The following LRBA variants were observed in gnomAD, a reference collection of about 807,000 sequenced individuals.
LRBA encodes LPS responsive beige-like anchor protein.
A neutral mutation model predicts 330.0 loss-of-function variants in LRBA; 176 were observed. That is an observed-to-expected ratio of 0.53 (90% CI 0.47 to 0.60). The LOEUF (loss-of-function observed/expected upper bound fraction) is 0.60. Ranked by LOEUF, LRBA falls within the 20% of genes least tolerant of loss-of-function variation. LRBA has a pLI of 0.00. For missense variants in LRBA, 3,259 were observed against 3,444.8 expected (o/e 0.95, Z 1.35); for synonymous variants, 1,230 against 1,193.0 (o/e 1.03, Z -0.64).
At position 150,590,807 on chromosome 4, in the gene LRBA, A is replaced by G; in HGVS notation, c.6099T>C (p.Ala2033=). The G allele has an allele frequency of 6.2e-7, 1 of 1,613,832 alleles. No homozygotes were observed. The highest frequency in any genetic ancestry group is 8.5e-7 in the Non-Finnish European group (1 of 1,179,732). The change falls in exon 39 of 57, where the codon GCT becomes GCC. Residue 2033 remains alanine, a synonymous_variant. Transcript: ENST00000651943. ...CGTTTTCTGAGTTCTGATTTCCTAA[A>G]GCCTGACTCCTGATGGACTGTTTTC... ...AKGKQSIRSQ[A]LGNQNSENEI...
intron 37 of LRBA, among the ~76,000 whole-genome samples, chr4:150,669,032 T>C (rs969237886): frequency 1.3e-5 from 2 of 152,186 alleles, no homozygotes; most frequent in African/African-American, 4.8e-5. Flanking sequence ...CCAGTCATTG[T>C]GATGATTCTC....
chr4:150,592,195 C>A (rs1005216921), intron 38 of LRBA, among the ~76,000 whole-genome samples: 1 of 115,706 alleles, frequency 8.6e-6, no homozygotes, highest in Non-Finnish European at 1.6e-5. Context: ...TCTGCCTAGG[C>A]ATAAGGCCCA....
At chr4:150,522,929 A>G (rs1485777707) in intron 40 of LRBA, among the ~76,000 whole-genome samples, 1 of 152,168 alleles carries the variant, frequency 6.6e-6, no homozygotes, top group African/African-American at 2.4e-5. Flanking sequence ...GGTTGGGACC[A>G]CCAAAGACAG....
At chr4:150,580,954 C>T (rs1440096388) in intron 40 of LRBA, 1 of 152,436 alleles carries the variant, frequency 6.6e-6, no homozygotes, top group African/African-American at 2.4e-5. Context: ...ACAAATGAAA[C>T]TCTGTACCTG....
intron 36 of LRBA, among the ~76,000 whole-genome samples, chr4:150,715,774 T>C (rs149957123): frequency 2.6e-5 from 4 of 152,310 alleles, no homozygotes; most frequent in African/African-American, 9.6e-5. Context: ...CAATTACTAA[T>C]AGAACCCAAA....
At chr4:150,849,298 A>G in intron 25 of LRBA, 124 bp downstream of exon 25, 1 of 809,624 alleles carries the variant, frequency 1.2e-6, no homozygotes, top group Non-Finnish European at 2.0e-6. Context: ...CAAGTAAAAG[A>G]TCCTATTGTT....
In LRBA at chr4:150,321,089, C is replaced by T. The variant is rs1581004945; in HGVS notation, c.7630+102G>A. 7.1e-6 allele frequency: 8 copies of T among 1,121,278 alleles called. No homozygotes were observed. Among genetic ancestry groups the T allele is most frequent in the East Asian group, 5.5e-5 (2 of 36,608 alleles). 69.5% of individuals were successfully genotyped at this position (1,121,278 alleles called of 1,614,324 possible). ...TTAAACAATTTGATTCAGACTAATG[C>T]TTGAAAATTAAAAGCTTAAATGTTG... On this transcript the variant is annotated intron_variant, in intron 50 of 56. Transcript: ENST00000651943. This position sits in a 1 kb window ranked among gnomAD's most constrained non-coding sequence, Gnocchi z 4.5.
At chr4:150,770,713 A>T (rs555538605) in intron 34 of LRBA, among the ~76,000 whole-genome samples, 2 of 151,988 alleles carry the variant, frequency 1.3e-5, no homozygotes, top group Non-Finnish European at 2.9e-5. Context: ...ACCTTTTTTC[A>T]CTGCCTATTC....
At chr4:151,001,684 T>C (rs1743354533) in intron 2 of LRBA, among the ~76,000 whole-genome samples, 1 of 152,020 alleles carries the variant, frequency 6.6e-6, no homozygotes. Context: ...ATCTCTGCCT[T>C]TACCCATACT....
At chr4:150,944,589 C>G (rs1044826875) in intron 2 of LRBA, among the ~76,000 whole-genome samples, 1 of 151,982 alleles carries the variant, frequency 6.6e-6, no homozygotes, top group East Asian at 1.9e-4. Context: ...AAAAATAGTT[C>G]ATATGGCAAG....
At chr4:150,734,226 T>C (rs1462692841) in intron 36 of LRBA, among the ~76,000 whole-genome samples, 1 of 152,126 alleles carries the variant, frequency 6.6e-6, no homozygotes, top group African/African-American at 2.4e-5. Context: ...GTGTTTTTTC[T>C]ATTTTTAATT....
chr4:151,007,833 G>A (rs1448603091), intron 2 of LRBA, among the ~76,000 whole-genome samples: 10 of 145,860 alleles, frequency 6.9e-5, no homozygotes, highest in Admixed American at 2.8e-4. Context: ...CTCCAGCTTG[G>A]GCCACAGAGC....
In LRBA at chr4:150,310,205, A is replaced by G. The variant is rs368320724; in HGVS notation, c.7849+24T>C. ...TACTACTTATAGTAAACTTTAGTTC[A>G]CTGATAAAGAAAATGAAAATTACCT... On this transcript the variant is annotated intron_variant, in intron 52 of 56. Coordinates refer to ENST00000651943, the MANE Select transcript of LRBA (RefSeq NM_001364905.1). The G allele has an allele frequency of 1.6e-5, 25 of 1,539,648 alleles. No individual in the cohort carries two copies. The African/African-American group carries it at 2.9e-4, about 18-fold the overall frequency.
In LRBA at chr4:150,967,805, A is replaced by G. The variant is rs138578974; in HGVS notation, c.217-38740T>C. Among the ~76,000 whole-genome samples the G allele has an allele frequency of 4.6e-5, 7 of 152,278 alleles. No individual in the cohort carries two copies. The East Asian group carries it at 9.6e-4, about 21-fold the overall frequency. On this transcript the variant is annotated intron_variant, in intron 2 of 56. Coordinates refer to ENST00000651943, the MANE Select transcript of LRBA (RefSeq NM_001364905.1). ...GTTACTACTGTAACTGTTCTGGGGT[A>G]TCATAAACCATGTCCATATAAGATA...
chr4:150,436,646 T>A, intron 45 of LRBA, 78 bp downstream of exon 45: 1 of 1,226,098 alleles, frequency 8.2e-7, no homozygotes, highest in Non-Finnish European at 1.1e-6. Context: ...AAAAATATGC[T>A]TATGAGTTCT....
intron 46 of LRBA, among the ~76,000 whole-genome samples, chr4:150,427,360 T>C (rs1182202456): frequency 6.6e-6 from 1 of 151,994 alleles, no homozygotes; most frequent in Admixed American, 6.6e-5. Context: ...ATGAGCAAAA[T>C]GTAGTTCATT....
chr4:150,284,206 T>C (rs577781494), intron 54 of LRBA, among the ~76,000 whole-genome samples: 36 of 152,208 alleles, frequency 2.4e-4, no homozygotes, highest in African/African-American at 8.7e-4. Flanking sequence ...AACAAAAATG[T>C]CCCAGAATTT....
At chr4:150,959,030 C>T (rs1476729773) in intron 2 of LRBA, among the ~76,000 whole-genome samples, 1 of 149,378 alleles carries the variant, frequency 6.7e-6, no homozygotes, top group African/African-American at 2.6e-5. Flanking sequence ...CAGCACCCCA[C>T]CCTACCATTA....
chr4:150,851,467 G>A (rs1380896319), intron 23 of LRBA, among the ~76,000 whole-genome samples: 1 of 152,124 alleles, frequency 6.6e-6, no homozygotes, highest in African/African-American at 2.4e-5. Context: ...CTCTCTTATA[G>A]ACTTCATAAT....
Sources: allele counts gnomAD v4.1 joint callset (sites outside exome capture counted in the v4.1 genomes callset), GRCh38; gene constraint gnomAD v4.1.1; non-coding constraint Gnocchi (gnomAD v3.1); transcripts MANE v1.5; gene names NCBI Gene and HGNC (gene_info 2026-07-23, HGNC 2026-07-21).